Variants in HSPA12A observed in about 807,000 individuals in gnomAD.
The protein encoded by HSPA12A is heat shock protein family A (Hsp70) member 12A.
In HSPA12A, 28 loss-of-function variants were observed where a neutral mutation model predicts 69.2. The ratio of observed to expected loss-of-function variants is 0.40; its 90% CI spans 0.30 to 0.55. HSPA12A has a LOEUF of 0.55. HSPA12A is among the 20% of genes least tolerant of loss of function. HSPA12A has a pLI of 0.38. For synonymous variants in HSPA12A, 345 were observed against 370.5 expected, an observed-to-expected ratio of 0.93 and a Z score of 0.79; for missense variants, 686 against 900.7, an observed-to-expected ratio of 0.76 and a Z score of 3.05.
chr10:116,811,879 G>C (rs1845195234), intron 2 of HSPA12A, among the ~76,000 whole-genome samples: 2 of 152,158 alleles, frequency 1.3e-5, no homozygotes, highest in South Asian at 4.1e-4. Flanking sequence ...TGCCACCGCA[G>C]GGATTCCAGG....
intron 1 of HSPA12A, among the ~76,000 whole-genome samples, chr10:116,727,940 G>T (rs1225565494): frequency 1.3e-5 from 2 of 150,736 alleles, no homozygotes; most frequent in Non-Finnish European, 1.5e-5. Flanking sequence ...TTGGGGGGGG[G>T]ACAGAGTCTC....
At chr10:116,754,815 A>G (rs1214478318) in intron 2 of HSPA12A, among the ~76,000 whole-genome samples, 1 of 152,256 alleles carries the variant, frequency 6.6e-6, no homozygotes, top group Non-Finnish European at 1.5e-5. Context: ...TAGAGTCTAT[A>G]CTTTCATACA....
intron 6 of HSPA12A, among the ~76,000 whole-genome samples, chr10:116,687,018 G>C (rs553924321): frequency 6.6e-6 from 1 of 152,298 alleles, no homozygotes; most frequent in East Asian, 1.9e-4. Context: ...GAGGGGTGAA[G>C]AGCCCTGGGT....
chr10:116,819,637 G>T (rs1845373784), intron 2 of HSPA12A, among the ~76,000 whole-genome samples: 1 of 152,066 alleles, frequency 6.6e-6, no homozygotes, highest in African/African-American at 2.4e-5. Flanking sequence ...ATAAATGTCT[G>T]TTGTTTGTAA....
At chr10:116,700,877 C>T (rs1850058948) in intron 4 of HSPA12A, 66 bp downstream of exon 4, 2 of 1,543,588 alleles carry the variant, frequency 1.3e-6, no homozygotes, top group African/African-American at 1.4e-5. Flanking sequence ...CTTCCCCACC[C>T]CAAGGCTGGA....
At chr10:116,783,945 C>T (rs1660294319) in intron 2 of HSPA12A, among the ~76,000 whole-genome samples, 1 of 152,204 alleles carries the variant, frequency 6.6e-6, no homozygotes, top group South Asian at 2.1e-4. Context: ...CTCCAGTGAT[C>T]CACCCACCTC....
intron 10 of HSPA12A, among the ~76,000 whole-genome samples, chr10:116,678,535 C>T (rs952543010): frequency 9.1e-5 from 12 of 131,642 alleles, no homozygotes; most frequent in African/African-American, 3.2e-4. Context: ...ACTCGAGGGG[C>T]GTATCAGATA....
chr10:116,817,432 G>C (rs1845326503), intron 2 of HSPA12A, among the ~76,000 whole-genome samples: 1 of 150,330 alleles, frequency 6.7e-6, no homozygotes, highest in African/African-American at 2.5e-5. Flanking sequence ...CCTTAGTGGA[G>C]CTACTCCTGA....
chr10:116,772,337 T>C (rs1844230796), intron 2 of HSPA12A, among the ~76,000 whole-genome samples: 1 of 152,092 alleles, frequency 6.6e-6, no homozygotes, highest in Non-Finnish European at 1.5e-5. Flanking sequence ...CCCCAACACT[T>C]GGCAGAAGAA....
chr10:116,714,572 C>T (rs1850548847), intron 1 of HSPA12A, among the ~76,000 whole-genome samples: 1 of 152,208 alleles, frequency 6.6e-6, no homozygotes, highest in African/African-American at 2.4e-5. Flanking sequence ...CACACTCACC[C>T]TGCAGTTAAA....
At chr10:116,848,945 C>A (rs570436784) in intron 1 of HSPA12A, among the ~76,000 whole-genome samples, 1 of 152,350 alleles carries the variant, frequency 6.6e-6, no homozygotes, top group South Asian at 2.1e-4. Flanking sequence ...GACATCATAG[C>A]AGGCCCAGCC....
chr10:116,704,813 G>T (rs1245266224), intron 3 of HSPA12A, among the ~76,000 whole-genome samples: 2 of 152,112 alleles, frequency 1.3e-5, no homozygotes, highest in African/African-American at 4.8e-5. Flanking sequence ...ACAGTAAGTG[G>T]CCAAGCTGGC....
At chr10:116,821,350 G>T (rs1466982953) in intron 2 of HSPA12A, among the ~76,000 whole-genome samples, 1 of 151,966 alleles carries the variant, frequency 6.6e-6, no homozygotes, top group Non-Finnish European at 1.5e-5. Flanking sequence ...CCCTTCCTTC[G>T]GCCTGGGATG....
At chr10:116,698,777 A>G in intron 4 of HSPA12A, 38 bp from the exon 5 acceptor site, 1 of 1,498,152 alleles carries the variant, frequency 6.7e-7, no homozygotes, top group Non-Finnish European at 9.3e-7. Flanking sequence ...AGAAGATGAC[A>G]CAGGAGAAAC....
intron 6 of HSPA12A, among the ~76,000 whole-genome samples, chr10:116,688,895 T>A (rs1239704490): frequency 2.0e-5 from 3 of 152,220 alleles, no homozygotes; most frequent in Non-Finnish European, 4.4e-5. Flanking sequence ...GTTCTAAGTC[T>A]TTTCTAAAGG....
intron 2 of HSPA12A, among the ~76,000 whole-genome samples, chr10:116,800,984 A>C (rs944156016): frequency 6.6e-6 from 1 of 152,216 alleles, no homozygotes; most frequent in African/African-American, 2.4e-5. Flanking sequence ...GTCCGCCTGC[A>C]ATTTGCTCTG....
At chr10:116,724,276 C>G (rs1327291614) in intron 1 of HSPA12A, among the ~76,000 whole-genome samples, 1 of 152,098 alleles carries the variant, frequency 6.6e-6, no homozygotes, top group Non-Finnish European at 1.5e-5. Flanking sequence ...CCCATGGGAT[C>G]TTTTTTTAAA....
At chr10:116,756,212 T>G (rs1206497267) in intron 2 of HSPA12A, among the ~76,000 whole-genome samples, 2 of 152,250 alleles carry the variant, frequency 1.3e-5, no homozygotes, top group African/African-American at 4.8e-5. Context: ...GTCCGGAGAC[T>G]GATGCCTCTC....
intron 1 of HSPA12A, among the ~76,000 whole-genome samples, chr10:116,711,844 T>TA (rs1554883132): frequency 1.3e-3 from 194 of 151,098 alleles, no homozygotes; most frequent in Non-Finnish European, 2.1e-3. Flanking sequence ...TTTTTTTTTT[T>TA]AAATTTTTAA....
Sources: gnomAD v4.1 joint callset for allele counts (sites outside exome capture counted in the v4.1 genomes callset) on GRCh38, gnomAD v4.1.1 for gene constraint, MANE v1.5 for transcripts, NCBI Gene and HGNC (gene_info 2026-07-23, HGNC 2026-07-21) for gene names.